The following CORO7 variants were observed in gnomAD, a reference collection of about 807,000 sequenced individuals.
CORO7 encodes coronin-7.
CORO7 carries 107 observed loss-of-function variants against 126.6 expected under a neutral mutation model. The observed-to-expected ratio is 0.85, with a 90% CI of 0.72 to 0.99. The LOEUF (loss-of-function observed/expected upper bound fraction) is 0.99. CORO7 is among the 50% of genes least tolerant of loss of function. The pLI is 0.00. For synonymous variants in CORO7, 603 were observed against 536.8 expected (o/e 1.12, Z -1.70); for missense variants, 1,314 against 1,255.8 (o/e 1.05, Z -0.70).
At chr16:4,359,734 T>C in intron 21 of CORO7, 113 bp from the exon 22 acceptor site, 6 of 1,381,350 alleles carry the variant, frequency 4.3e-6, no homozygotes, top group Non-Finnish European at 5.8e-6. Flanking sequence ...CGAGGCCTAG[T>C]GTGGCCCGGC....
intron 6 of CORO7, 73 bp from the exon 7 acceptor site, chr16:4,395,412 C>T: frequency 6.3e-7 from 1 of 1,598,088 alleles, no homozygotes; most frequent in Admixed American, 1.7e-5. Flanking sequence ...CTGCTCCCCT[C>T]ACCTCCCAAC....
At chr16:4,382,191 C>A in intron 9 of CORO7, 1 of 1,601,100 alleles carries the variant, frequency 6.2e-7, no homozygotes, top group Non-Finnish European at 8.5e-7. Context: ...GCTTCACGGG[C>A]CTGTACTGTG....
At chr16:4,409,736 C>T (rs998081116) in intron 3 of CORO7, among the ~76,000 whole-genome samples, 1 of 152,250 alleles carries the variant, frequency 6.6e-6, no homozygotes, top group African/African-American at 2.4e-5. Context: ...CAGAAACGCA[C>T]CCAGAAGTTG....
At chr16:4,368,591 T>C (rs959542967) in intron 9 of CORO7, among the ~76,000 whole-genome samples, 3 of 150,898 alleles carry the variant, frequency 2.0e-5, no homozygotes, top group South Asian at 2.1e-4. Context: ...CTACTAAAAA[T>C]GCAAAAATGA....
chr16:4,408,595 T>C (rs1297106941), intron 3 of CORO7, among the ~76,000 whole-genome samples: 1 of 152,182 alleles, frequency 6.6e-6, no homozygotes, highest in Non-Finnish European at 1.5e-5. Context: ...TCGTGGAAGG[T>C]CCCCAGGACT....
chr16:4,411,409 C>A (rs547785168), intron 3 of CORO7, among the ~76,000 whole-genome samples: 9 of 151,966 alleles, frequency 5.9e-5, no homozygotes, highest in Non-Finnish European at 1.3e-4. Flanking sequence ...AAACAAAAAA[C>A]AGGTAACGTT....
intron 4 of CORO7, 37 bp downstream of exon 4, chr16:4,408,144 G>A (rs1291853521): frequency 6.2e-7 from 1 of 1,613,862 alleles, no homozygotes; most frequent in South Asian, 1.1e-5. Context: ...ACTACGGGCT[G>A]GGACATAGAG....
Position 4,361,448 on chromosome 16 carries a change from G to GCAGGCGGC in CORO7, c.1592_1599dup (p.Pro534AlafsTer17), listed in dbSNP as rs747053644. On this transcript the variant is annotated frameshift_variant, in exon 17 of 28. Coordinates refer to ENST00000251166, the MANE Select transcript of CORO7 (RefSeq NM_024535.5). LOFTEE classifies it high-confidence loss of function. Reference sequence around the variant, plus strand: ...TGCAGCGTGGGCAGTGCCGTGTCGGGCAGGCGGCCAGGCTTCCGTAGCTGT... The same window carrying GCAGGCGGC: ...TGCAGCGTGGGCAGTGCCGTGTCGGGCAGGCGGCCAGGCGGCCAGGCTTCCGTAGCTGT... 6.2e-6 allele frequency: 10 copies of GCAGGCGGC among 1,612,122 alleles called. No individual in the cohort carries two copies. In the Admixed American group the frequency reaches 1.0e-4, roughly 16 times the overall value.
intron 1 of CORO7, among the ~76,000 whole-genome samples, chr16:4,414,990 T>C (rs1377889700): frequency 6.6e-6 from 1 of 152,112 alleles, no homozygotes; most frequent in East Asian, 1.9e-4. Flanking sequence ...GCCTCCCAAG[T>C]AGCTGGGACC....
In CORO7 at chr16:4,381,766, C is replaced by T. The variant is rs148092711; in HGVS notation, c.785+6220G>A. The stretch of plus-strand genomic sequence containing the variant: ...CCGCCTGCGGCTGCTGGCAGCTGCC[C>T]GCAACCCCTTCAACTGCGTGTGCCC... On this transcript the variant is annotated intron_variant, in intron 9 of 27. Coordinates refer to ENST00000251166, the MANE Select transcript of CORO7 (RefSeq NM_024535.5). 4.2e-3 allele frequency: 6,774 copies of T among 1,601,988 alleles called. 13 individuals are homozygous for T. Among genetic ancestry groups the T allele is most frequent in the Non-Finnish European group, 4.9e-3 (5,823 of 1,179,348 alleles).
intron 2 of CORO7, 101 bp from the exon 3 acceptor site, chr16:4,412,531 C>T (rs1249311044): frequency 8.1e-7 from 1 of 1,241,988 alleles, no homozygotes; most frequent in Non-Finnish European, 1.2e-6. Context: ...CAGCCTCGGA[C>T]CTTCCCAGAG....
In CORO7 at chr16:4,408,384, GAC is replaced by G. The variant is rs1026284367; in HGVS notation, c.233-135_233-134del. Reference sequence around the variant, plus strand: ...GCTACAAGTCTACAAGGGCCCTCTGGACACCATGGGGGCAAATGCCACAGGCC... The same window carrying G: ...GCTACAAGTCTACAAGGGCCCTCTGGACCATGGGGGCAAATGCCACAGGCC... On this transcript the variant is annotated intron_variant, in intron 3 of 27. Coordinates refer to ENST00000251166, the MANE Select transcript of CORO7 (RefSeq NM_024535.5). 2.3e-5 allele frequency: 29 copies of G among 1,282,720 alleles called. No individual in the cohort carries two copies. In the African/African-American group the frequency reaches 4.1e-4, roughly 18 times the overall value. 79.5% of individuals were successfully genotyped at this position (1,282,720 alleles called of 1,614,324 possible). A position where few individuals can be genotyped will look rare whatever the true frequency, so the allele number is the denominator to read the frequency against.
intron 9 of CORO7, among the ~76,000 whole-genome samples, chr16:4,384,350 T>G (rs2055115093): frequency 6.6e-6 from 1 of 152,200 alleles, no homozygotes; most frequent in African/African-American, 2.4e-5. Flanking sequence ...TGAGTGCAGC[T>G]GTGGCCTGGA....
rs115065211 is a variant in CORO7, at chr16:4,384,475, A to C, written c.785+3511T>G. 9.9e-3 allele frequency among the ~76,000 whole-genome samples: 1,513 copies of C among 152,226 alleles called. 29 individuals carry two copies. Among genetic ancestry groups the C allele is most frequent in the African/African-American group, 0.035 (1,440 of 41,524 alleles). ...CTGCCGCTGCAGGGGCACCCAGAAC[A>C]TGCTGGAGTGAGCCTCCTGCAGACC... is the stretch of plus-strand genomic sequence containing the variant. On this transcript the variant is annotated intron_variant, in intron 9 of 27. Transcript: ENST00000251166.
At chr16:4,375,281 A>G (rs2054678622) in intron 9 of CORO7, among the ~76,000 whole-genome samples, 1 of 152,172 alleles carries the variant, frequency 6.6e-6, no homozygotes, top group Non-Finnish European at 1.5e-5. Context: ...GGAGGAGGGA[A>G]GACCCTGTGC....
At chr16:4,387,069 T>C (rs1331761055) in intron 9 of CORO7, among the ~76,000 whole-genome samples, 1 of 152,220 alleles carries the variant, frequency 6.6e-6, no homozygotes, top group Non-Finnish European at 1.5e-5. Flanking sequence ...CGGATCCCCC[T>C]GCCTGTGAAG....
In CORO7 at chr16:4,399,884, C is replaced by A. The variant is rs141429662; in HGVS notation, c.565-4545G>T. Among the ~76,000 whole-genome samples the A allele has an allele frequency of 3.0e-3, 463 of 152,152 alleles. 4 individuals are homozygous for A. The highest frequency in any genetic ancestry group is 0.011 in the African/African-American group (444 of 41,516). On this transcript the variant is annotated intron_variant, in intron 6 of 27. Transcript: ENST00000251166. ...AAATTTTATGATATGTGTTTTCTTACCACAATTTAAAAAAATAGCTATTAG... is the reference window on the plus strand; with the variant it reads ...AAATTTTATGATATGTGTTTTCTTAACACAATTTAAAAAAATAGCTATTAG...
Position 4,366,535 on chromosome 16 carries a change from C to CTTT in CORO7, c.786-993_786-991dup, listed in dbSNP as rs544549233. 1.2e-3 allele frequency among the ~76,000 whole-genome samples: 134 copies of CTTT among 114,340 alleles called. 1 individual carries two copies. The highest frequency in any genetic ancestry group is 4.1e-3 in the African/African-American group (113 of 27,724). The allele number at this position is 114,340 out of a possible 152,430, so 75.0% of individuals were successfully genotyped here. A position where few individuals can be genotyped will look rare whatever the true frequency, so the allele number is the denominator to read the frequency against. On this transcript the variant is annotated intron_variant, in intron 9 of 27. Transcript: ENST00000251166. ...CTGTGTTTCTTGCTCCTGATCTTTG[C>CTTT]TTTTTTTTTTTTTTTTTTTTTTAAG...
intron 9 of CORO7, 198 bp downstream of exon 9, chr16:4,387,788 A>G: frequency 1.5e-6 from 1 of 645,248 alleles, no homozygotes; most frequent in Non-Finnish European, 2.7e-6. Flanking sequence ...GGGGCACCTG[A>G]GCACCTGCTG....
Sources: allele counts gnomAD v4.1 joint callset (sites outside exome capture counted in the v4.1 genomes callset), GRCh38; gene constraint gnomAD v4.1.1; transcripts MANE v1.5; gene names NCBI Gene and HGNC (gene_info 2026-07-23, HGNC 2026-07-21).